CDKL4: variants seen among roughly 807,000 people sequenced by gnomAD.
CDKL4 encodes cyclin-dependent kinase-like 4.
A neutral mutation model predicts 42.0 loss-of-function variants in CDKL4; 44 were observed. The ratio of observed to expected loss-of-function variants is 1.05; its 90% CI spans 0.82 to 1.35. CDKL4 has a LOEUF of 1.35. CDKL4 is among the 40% of genes most tolerant of loss of function. The pLI, the probability that CDKL4 is intolerant of heterozygous loss-of-function variation, is 0.00. For missense variants in CDKL4, 393 were observed against 369.9 expected (o/e 1.06, Z -0.51); for synonymous variants, 120 against 121.6 (o/e 0.99, Z 0.09).
chr2:39,227,935 G>A (rs1333933794), intron 2 of CDKL4, among the ~76,000 whole-genome samples: 1 of 152,190 alleles, frequency 6.6e-6, no homozygotes, highest in Non-Finnish European at 1.5e-5. Context: ...ACAAGACTAT[G>A]TGAGGAAAGG....
chr2:39,187,435 T>A (rs1294454460), intron 7 of CDKL4, among the ~76,000 whole-genome samples, 192 bp downstream of exon 7: 3 of 141,790 alleles, frequency 2.1e-5, no homozygotes, highest in Admixed American at 2.1e-4. Flanking sequence ...AATTCCAGCA[T>A]TGGGGAGGCT....
intron 3 of CDKL4, among the ~76,000 whole-genome samples, chr2:39,219,042 C>T (rs1406687759): frequency 2.6e-5 from 4 of 152,210 alleles, no homozygotes; most frequent in African/African-American, 7.2e-5. Flanking sequence ...TGTTGGACTA[C>T]ATCAGAATGT....
chr2:39,178,846 G>A (rs902755227), intron 9 of CDKL4: 12 of 1,509,682 alleles, frequency 7.9e-6, no homozygotes, highest in African/African-American at 4.2e-5. Context: ...TTGCAATGCT[G>A]GCAAAACTCA....
intron 2 of CDKL4, 116 bp downstream of exon 2, chr2:39,229,249 G>A (rs1678945497): frequency 1.4e-6 from 1 of 734,208 alleles, no homozygotes; most frequent in Non-Finnish European, 2.2e-6. Context: ...CAAAGGTGCT[G>A]ATACAAAGGA....
At chr2:39,207,512 G>A (rs1349899503) in intron 4 of CDKL4, among the ~76,000 whole-genome samples, 1 of 152,144 alleles carries the variant, frequency 6.6e-6, no homozygotes, top group African/African-American at 2.4e-5. Context: ...GATTGCATTA[G>A]AACAGGTTAT....
At chr2:39,182,409 G>T (rs1489484580) in intron 8 of CDKL4, among the ~76,000 whole-genome samples, 5 of 152,202 alleles carry the variant, frequency 3.3e-5, no homozygotes, top group Non-Finnish European at 7.3e-5. Context: ...CTAATGCTGA[G>T]CTCTCTCCAT....
At chr2:39,168,413 C>T in the CDKL4 span, among the ~76,000 whole-genome samples, 1 of 152,108 alleles carries the variant, frequency 6.6e-6, no homozygotes, top group African/African-American at 2.4e-5. Context: ...CAATTCTCAG[C>T]TTAAGCAAAT....
intron 4 of CDKL4, among the ~76,000 whole-genome samples, chr2:39,211,787 C>G (rs1313086391): frequency 3.3e-5 from 5 of 151,558 alleles, no homozygotes; most frequent in Non-Finnish European, 7.4e-5. Flanking sequence ...ATGGAGGGGA[C>G]CAAACGAATA....
At chr2:39,186,493 G>A (rs1675836078) in intron 7 of CDKL4, among the ~76,000 whole-genome samples, 8 of 152,102 alleles carry the variant, frequency 5.3e-5, no homozygotes, top group Admixed American at 5.2e-4. Flanking sequence ...AAAGAGCATA[G>A]CCTGAACTTA....
chr2:39,180,882 G>T (rs1001217892), intron 8 of CDKL4, among the ~76,000 whole-genome samples: 1 of 152,090 alleles, frequency 6.6e-6, no homozygotes, highest in African/African-American at 2.4e-5. Flanking sequence ...GTAGAGACAG[G>T]TTCACCATGT....
intron 3 of CDKL4, among the ~76,000 whole-genome samples, chr2:39,224,572 C>T (rs1312634282): frequency 6.9e-6 from 1 of 145,684 alleles, no homozygotes. Context: ...GGTGTGATCT[C>T]GGCTCACTGC....
chr2:39,244,946 T>G (rs1219048443), upstream of CDKL4, among the ~76,000 whole-genome samples: 1 of 152,108 alleles, frequency 6.6e-6, no homozygotes, highest in Non-Finnish European at 1.5e-5. Flanking sequence ...ACTCTGTATC[T>G]AACTGATCTG....
At chr2:39,236,501 T>C (rs529449927) in intron 1 of CDKL4, among the ~76,000 whole-genome samples, 1 of 152,234 alleles carries the variant, frequency 6.6e-6, no homozygotes, top group African/African-American at 2.4e-5. Context: ...ATCCATGCCT[T>C]GATATATCAT....
At chr2:39,245,817 C>T (rs111741532), upstream of CDKL4, among the ~76,000 whole-genome samples, 1,845 of 152,316 alleles carry the variant, frequency 0.012, 13 homozygotes, top group Middle Eastern at 0.031. Flanking sequence ...TTTCAGCAGA[C>T]TTCTGTAGGT....
At chr2:39,237,219 G>T (rs992613754) in intron 1 of CDKL4, among the ~76,000 whole-genome samples, 1 of 152,110 alleles carries the variant, frequency 6.6e-6, no homozygotes. Flanking sequence ...GACTCTGTGG[G>T]ACTTATCTCA....
chr2:39,187,010 C>T (rs966810634), intron 7 of CDKL4, among the ~76,000 whole-genome samples: 11 of 152,082 alleles, frequency 7.2e-5, no homozygotes, highest in Non-Finnish European at 1.6e-4. Context: ...TCTGTGTCCC[C>T]ACCCAAATCT....
chr2:39,176,766 A>G (rs895069630), intron 9 of CDKL4, among the ~76,000 whole-genome samples: 1 of 152,262 alleles, frequency 6.6e-6, no homozygotes, highest in Admixed American at 6.5e-5. Context: ...TTGGCAGAAT[A>G]GCAAAGGCTT....
chr2:39,235,581 C>T (rs1042944425), intron 1 of CDKL4, among the ~76,000 whole-genome samples: 4 of 152,060 alleles, frequency 2.6e-5, no homozygotes, highest in African/African-American at 4.8e-5. Context: ...CCTATCTCTA[C>T]AAAAAGATTT....
At chr2:39,233,044 CAAAAAA>C (rs72150084) in intron 1 of CDKL4, among the ~76,000 whole-genome samples, 1 of 66,142 alleles carries the variant, frequency 1.5e-5, no homozygotes, top group Non-Finnish European at 2.7e-5. Flanking sequence ...GACTCCATCT[CAAAAAA>C]AAAAAAAAAA....
Sources: allele counts gnomAD v4.1 joint callset (sites outside exome capture counted in the v4.1 genomes callset), GRCh38; gene constraint gnomAD v4.1.1; transcripts MANE v1.5; gene names NCBI Gene and HGNC (gene_info 2026-07-23, HGNC 2026-07-21).